The following KDM2A variants were observed in gnomAD, a reference collection of about 807,000 sequenced individuals.
The protein encoded by KDM2A is lysine-specific demethylase 2A.
A neutral mutation model predicts 137.3 loss-of-function variants in KDM2A; 3 were observed. That is an observed-to-expected ratio of 0.02 (90% CI 0.01 to 0.06). The LOEUF (loss-of-function observed/expected upper bound fraction) is 0.06. KDM2A is among the 10% of genes least tolerant of loss of function. The pLI is 1.00. For synonymous variants in KDM2A, 512 were observed against 541.5 expected, an observed-to-expected ratio of 0.95 and a Z score of 0.76; for missense variants, 738 against 1,510.6, an observed-to-expected ratio of 0.49 and a Z score of 8.48.
intron 2 of KDM2A, among the ~76,000 whole-genome samples, chr11:67,129,418 G>A (rs1200021805): frequency 6.6e-6 from 1 of 152,052 alleles, no homozygotes; most frequent in African/African-American, 2.4e-5. Flanking sequence ...GTGAAACCCC[G>A]TCTCTACTAA....
chr11:67,186,336 A>T (rs1857206857), intron 5 of KDM2A, among the ~76,000 whole-genome samples: 1 of 152,234 alleles, frequency 6.6e-6, no homozygotes, highest in Non-Finnish European at 1.5e-5. Flanking sequence ...GCCAGGAGGC[A>T]GTGAGCCAGT....
At chr11:67,253,705 T>C (rs1403962315) in intron 19 of KDM2A, 94 bp downstream of exon 19, 6 of 1,314,618 alleles carry the variant, frequency 4.6e-6, no homozygotes, top group South Asian at 1.3e-5. Flanking sequence ...GTCTCAGATA[T>C]GACGCTGTGG....
At position 67,165,907 on chromosome 11, in the gene KDM2A, C is replaced by G. The variant is rs914933084; in HGVS notation, c.43-14172C>G. ...GGGGTTTTTTCTTTTTCCATAACTT[C>G]TTATTTGTATAATACTTTCATTAAT... On this transcript the variant is annotated intron_variant, in intron 2 of 20. Coordinates refer to ENST00000529006, the MANE Select transcript of KDM2A (RefSeq NM_012308.3). 3.9e-4 allele frequency among the ~76,000 whole-genome samples: 59 copies of G among 152,070 alleles called. 1 individual carries two copies. Among genetic ancestry groups the G allele is most frequent in the African/African-American group, 1.3e-3 (54 of 41,414 alleles).
intron 2 of KDM2A, among the ~76,000 whole-genome samples, chr11:67,167,497 A>G (rs773485389): frequency 6.6e-5 from 10 of 151,788 alleles, no homozygotes; most frequent in Non-Finnish European, 1.3e-4. Flanking sequence ...ATAAGTAGCT[A>G]TTTGACACTA....
At chr11:67,148,259 T>TA (rs201406330) in intron 2 of KDM2A, among the ~76,000 whole-genome samples, 13,034 of 147,834 alleles carry the variant, frequency 0.088, 1,897 homozygotes, top group African/African-American at 0.3. Context: ...GCATCTCTAT[T>TA]AAAAAAAAAA....
At chr11:67,237,822 C>CTGTA (rs951985079) in intron 12 of KDM2A, among the ~76,000 whole-genome samples, 14 of 151,860 alleles carry the variant, frequency 9.2e-5, no homozygotes, top group Non-Finnish European at 2.1e-4. Context: ...TATTGTGCAC[C>CTGTA]TGTAGTCCCA....
intron 2 of KDM2A, among the ~76,000 whole-genome samples, chr11:67,154,116 A>T (rs1366276236): frequency 6.6e-6 from 1 of 152,210 alleles, no homozygotes; most frequent in African/African-American, 2.4e-5. Context: ...ACTTGACTTC[A>T]GTCCACGTTT....
rs149976276 is a variant in KDM2A, at chr11:67,171,793, C to T, written c.43-8286C>T. Among the ~76,000 whole-genome samples the T allele has an allele frequency of 4.1e-3, 617 of 152,334 alleles. 4 individuals are homozygous for T. The highest frequency in any genetic ancestry group is 0.014 in the African/African-American group (583 of 41,570). ...TTGGCCTCCCAGAGTGCTGGGATTA[C>T]AGGCATGTGCCACTGCTCCTGGTCT... On this transcript the variant is annotated intron_variant, in intron 2 of 20. Coordinates refer to ENST00000529006, the MANE Select transcript of KDM2A (RefSeq NM_012308.3).
intron 2 of KDM2A, among the ~76,000 whole-genome samples, chr11:67,152,905 AGTGTGTGTGTGTGT>A (rs146532672): frequency 0.092 from 13,085 of 142,356 alleles, 1,805 homozygotes; most frequent in African/African-American, 0.3. Context: ...ACAGTGCCAG[AGTGTGTGTGTGTGT>A]GTGTGTGTGT....
At position 67,253,587 on chromosome 11, in the gene KDM2A, C is replaced by T; in HGVS notation, c.3067C>T (p.Leu1023Phe). The T allele has an allele frequency of 6.2e-7, 1 of 1,613,850 alleles. No individual in the cohort carries two copies. The highest frequency in any genetic ancestry group is 1.7e-5 in the Admixed American group (1 of 60,008). The change falls in exon 19 of 21, where the codon CTT becomes TTT. Residue 1023 changes from leucine to phenylalanine, a missense_variant. Transcript: ENST00000529006. ...CAAGGACCCTCAAATTCGGGACTTG[C>T]TTACTCCACCGGCTGATAAACCAGG... ...GIKDPQIRDL[L>F]TPPADKPGQD...
chr11:67,199,294 A>G (rs150776762), intron 5 of KDM2A, among the ~76,000 whole-genome samples: 187 of 152,338 alleles, frequency 1.2e-3, no homozygotes, highest in African/African-American at 4.1e-3. Flanking sequence ...TTAAGTGTTC[A>G]AGTGAAAGGA....
chr11:67,232,037 A>G (rs1858733790), intron 12 of KDM2A, 77 bp downstream of exon 12: 2 of 1,442,320 alleles, frequency 1.4e-6, no homozygotes, highest in Admixed American at 2.2e-5. Context: ...GGGAGAAAAT[A>G]TAGGAATTTT....
intron 5 of KDM2A, among the ~76,000 whole-genome samples, chr11:67,191,903 T>A (rs1857363834): frequency 6.6e-6 from 1 of 152,238 alleles, no homozygotes; most frequent in Non-Finnish European, 1.5e-5. Flanking sequence ...TCACCTCTGT[T>A]GGCAGATGAT....
At chr11:67,123,159 A>T (rs1855637737) in intron 2 of KDM2A, among the ~76,000 whole-genome samples, 1 of 148,226 alleles carries the variant, frequency 6.7e-6, no homozygotes, top group African/African-American at 2.5e-5. Context: ...TTTTTTTCTT[A>T]GTGACGGGGT....
At chr11:67,205,671 G>A (rs1226093686) in intron 5 of KDM2A, among the ~76,000 whole-genome samples, 3 of 151,720 alleles carry the variant, frequency 2.0e-5, no homozygotes, top group African/African-American at 7.3e-5. Flanking sequence ...TAGTAGAGAC[G>A]GTGTTTTGCT....
At chr11:67,214,484 G>A (rs1484413886) in intron 6 of KDM2A, among the ~76,000 whole-genome samples, 1 of 152,096 alleles carries the variant, frequency 6.6e-6, no homozygotes, top group African/African-American at 2.4e-5. Context: ...GATTACAGGC[G>A]TGAGCCACTG....
chr11:67,206,706 C>A (rs1857814644), intron 5 of KDM2A, among the ~76,000 whole-genome samples: 1 of 152,240 alleles, frequency 6.6e-6, no homozygotes, highest in African/African-American at 2.4e-5. Flanking sequence ...CACTGCACTC[C>A]AGCCTGAGCG....
In KDM2A at chr11:67,254,061, C is replaced by T. The variant is rs116866203; in HGVS notation, c.3092-142C>T. The T allele has an allele frequency of 0.039, 25,847 of 671,006 alleles. 667 individuals are homozygous for T. The highest frequency in any genetic ancestry group is 0.053 in the Non-Finnish European group (20,940 of 398,810). 41.6% of individuals were successfully genotyped at this position (671,006 alleles called of 1,614,324 possible). A position where few individuals can be genotyped will look rare whatever the true frequency, so the allele number is the denominator to read the frequency against. ...ACTGCCTACACCCAGTGCTCACACC[C>T]TGAAGGCATGGCTGGGTGTGGGCAG... On this transcript the variant is annotated intron_variant, in intron 19 of 20. Transcript: ENST00000529006. The surrounding 1 kb of genome is among the most constrained non-coding windows in gnomAD (Gnocchi z 4.7).
intron 2 of KDM2A, among the ~76,000 whole-genome samples, chr11:67,135,728 A>G (rs1349311446): frequency 6.6e-6 from 1 of 152,042 alleles, no homozygotes; most frequent in African/African-American, 2.4e-5. Context: ...TCTTTTGATC[A>G]TCACCATCTT....
Sources: gnomAD v4.1 joint callset for allele counts (sites outside exome capture counted in the v4.1 genomes callset) on GRCh38, gnomAD v4.1.1 for gene constraint, Gnocchi (gnomAD v3.1) non-coding constraint, MANE v1.5 for transcripts, NCBI Gene and HGNC (gene_info 2026-07-23, HGNC 2026-07-21) for gene names.